The following PLCB1 variants were observed in gnomAD, a reference collection of about 807,000 sequenced individuals.
PLCB1 encodes phospholipase C beta 1.
Under a neutral mutation model 161.8 loss-of-function variants are expected in PLCB1, and 46 were observed. That is an observed-to-expected ratio of 0.28 (90% confidence interval 0.22 to 0.36). PLCB1 has a LOEUF of 0.36. Among genes scored for constraint, PLCB1 ranks in the 10% least tolerant of loss-of-function variants. The pLI is 1.00. For missense variants in PLCB1, 1,016 were observed against 1,472.5 expected, an observed-to-expected ratio of 0.69 and a Z score of 5.07; for synonymous variants, 517 against 503.7, an observed-to-expected ratio of 1.03 and a Z score of -0.35.
intron 1 of PLCB1, among the ~76,000 whole-genome samples, chr20:8,134,555 C>T (rs2051325652): frequency 6.6e-6 from 1 of 152,154 alleles, no homozygotes; most frequent in African/African-American, 2.4e-5. Context: ...ATTTCTGTAA[C>T]ACATATTTCT....
intron 27 of PLCB1, among the ~76,000 whole-genome samples, chr20:8,776,041 T>A (rs1982928291): frequency 6.6e-6 from 1 of 152,154 alleles, no homozygotes; most frequent in Admixed American, 6.5e-5. Context: ...TAACGGGCAA[T>A]AATGGCTTTG....
At chr20:8,788,784 C>A in intron 29 of PLCB1, 62 bp downstream of exon 29, 1 of 1,050,272 alleles carries the variant, frequency 9.5e-7, no homozygotes, top group Non-Finnish European at 1.4e-6. Context: ...TTTTGTACGT[C>A]AGAGTCACAG....
intron 25 of PLCB1, among the ~76,000 whole-genome samples, chr20:8,761,453 G>T (rs376694233): frequency 2.0e-5 from 3 of 152,158 alleles, no homozygotes; most frequent in African/African-American, 7.2e-5. Flanking sequence ...ATTTCATCAA[G>T]AAATGCATAA....
chr20:8,437,141 TC>T (rs1232088740), intron 3 of PLCB1, among the ~76,000 whole-genome samples: 1 of 152,014 alleles, frequency 6.6e-6, no homozygotes, highest in South Asian at 2.1e-4. Flanking sequence ...ATGCACGCCT[TC>T]CCCTGTAGCC....
chr20:8,752,561 G>A (rs1006439402), intron 23 of PLCB1, among the ~76,000 whole-genome samples: 1 of 152,072 alleles, frequency 6.6e-6, no homozygotes, highest in Admixed American at 6.6e-5. Flanking sequence ...GGGAGACCGA[G>A]GCAGGTGGAT....
At chr20:8,468,854 T>C (rs116203690) in intron 3 of PLCB1, among the ~76,000 whole-genome samples, 1,621 of 152,290 alleles carry the variant, frequency 0.011, 29 homozygotes, top group African/African-American at 0.036. Flanking sequence ...GAGCCTGAGA[T>C]GCAGAGACCT....
At chr20:8,303,036 C>G (rs920986425) in intron 2 of PLCB1, among the ~76,000 whole-genome samples, 1 of 152,132 alleles carries the variant, frequency 6.6e-6, no homozygotes, top group African/African-American at 2.4e-5. Context: ...TTGTGTACTT[C>G]CAGAGATTGG....
At chr20:8,651,699 A>T (rs1456303652) in intron 7 of PLCB1, 13 of 490,440 alleles carry the variant, frequency 2.7e-5, no homozygotes, top group Non-Finnish European at 4.4e-5. Context: ...TGGGGAAACT[A>T]GCCAATAAGC....
At chr20:8,495,880 T>A (rs2122792236) in intron 3 of PLCB1, among the ~76,000 whole-genome samples, 1 of 152,216 alleles carries the variant, frequency 6.6e-6, no homozygotes, top group East Asian at 1.9e-4. Flanking sequence ...ATTGCCTTCT[T>A]CACTCTATTC....
chr20:8,610,119 A>G (rs537714643), intron 3 of PLCB1, among the ~76,000 whole-genome samples: 2 of 152,118 alleles, frequency 1.3e-5, no homozygotes, highest in African/African-American at 4.8e-5. Context: ...GTGTTTAACT[A>G]TTCTAGAAAT....
chr20:8,353,926 T>G (rs1986272514), intron 2 of PLCB1, among the ~76,000 whole-genome samples: 1 of 151,938 alleles, frequency 6.6e-6, no homozygotes, highest in Non-Finnish European at 1.5e-5. Context: ...ATGTAAGATA[T>G]TAACCATAGG....
intron 12 of PLCB1, among the ~76,000 whole-genome samples, chr20:8,710,297 A>G (rs1399974932): frequency 6.6e-6 from 1 of 151,952 alleles, no homozygotes; most frequent in Non-Finnish European, 1.5e-5. Context: ...TCTCATGAGA[A>G]CTCACTATCG....
At chr20:8,759,328 A>T (rs1197972281) in intron 24 of PLCB1, among the ~76,000 whole-genome samples, 1 of 152,152 alleles carries the variant, frequency 6.6e-6, no homozygotes, top group Non-Finnish European at 1.5e-5. Context: ...TGGTTTCTCC[A>T]CTGAAAGTTA....
intron 3 of PLCB1, among the ~76,000 whole-genome samples, chr20:8,492,176 AT>A (rs11477844): frequency 0.18 from 26,779 of 146,700 alleles, 2,778 homozygotes; most frequent in African/African-American, 0.29. Context: ...TTTGCCAACC[AT>A]TTTTTTTTTT....
At chr20:8,244,556 G>A (rs1980780844) in intron 2 of PLCB1, among the ~76,000 whole-genome samples, 2 of 151,812 alleles carry the variant, frequency 1.3e-5, no homozygotes, top group African/African-American at 2.4e-5. Context: ...GACATCAGAA[G>A]AGTAACCCAC....
chr20:8,836,359 C>G lies in PLCB1; in HGVS notation c.3424-45263C>G, dbSNP rs183410210. Among the ~76,000 whole-genome samples the G allele has an allele frequency of 3.6e-5, 5 of 139,184 alleles. No homozygotes were observed. In the Admixed American group the frequency reaches 3.8e-4, roughly 11 times the overall value. 91.3% of individuals were successfully genotyped at this position (139,184 alleles called of 152,430 possible). A position where few individuals can be genotyped will look rare whatever the true frequency, so the allele number is the denominator to read the frequency against. Reference sequence around the variant, plus strand: ...TTAACTTGACTGGTCCACAGGGTGCCCATTCACTTGGTCTGAGTCTGATGG... The same window carrying G: ...TTAACTTGACTGGTCCACAGGGTGCGCATTCACTTGGTCTGAGTCTGATGG... On this transcript the variant is annotated intron_variant, in intron 31 of 31. Transcript: ENST00000338037.
In PLCB1 at chr20:8,831,962, CTTT is replaced by C. The variant is rs1986028209; in HGVS notation, c.3423+41702_3423+41704del. On this transcript the variant is annotated intron_variant, in intron 31 of 31. Transcript: ENST00000338037. ...TCTTTCTTTCTTTCTTTCTTTCTTT[CTTT>C]CTTTCTTTCTTTCTTTCCTTCTTTC... Among the ~76,000 whole-genome samples, 5 of 124,900 alleles carry C rather than the reference CTTT, an allele frequency of 4.0e-5. 1 individual carries two copies. The highest frequency in any genetic ancestry group is 1.5e-4 in the African/African-American group (5 of 33,696). 81.9% of individuals were successfully genotyped at this position (124,900 alleles called of 152,430 possible). A position where few individuals can be genotyped will look rare whatever the true frequency, so the allele number is the denominator to read the frequency against.
intron 31 of PLCB1, among the ~76,000 whole-genome samples, chr20:8,821,397 G>T (rs1985352982): frequency 6.8e-6 from 1 of 147,090 alleles, no homozygotes; most frequent in Admixed American, 6.8e-5. Context: ...AGAATTGCTT[G>T]AACCTGGGAG....
intron 31 of PLCB1, among the ~76,000 whole-genome samples, chr20:8,877,112 C>G (rs954310583): frequency 1.3e-5 from 2 of 152,168 alleles, no homozygotes; most frequent in African/African-American, 4.8e-5. Flanking sequence ...GTTTCACTTG[C>G]ACAGAATAGA....
Sources: gnomAD v4.1 joint callset for allele counts (sites outside exome capture counted in the v4.1 genomes callset) on GRCh38, gnomAD v4.1.1 for gene constraint, MANE v1.5 for transcripts, NCBI Gene and HGNC (gene_info 2026-07-23, HGNC 2026-07-21) for gene names.